The following DBF4 variants were observed in gnomAD, a reference collection of about 807,000 sequenced individuals.
DBF4 encodes the protein DBF4-CDC7 kinase regulatory subunit.
A neutral mutation model predicts 76.6 loss-of-function variants in DBF4; 25 were observed. The ratio of observed to expected loss-of-function variants is 0.33; its 90% CI spans 0.24 to 0.46. The LOEUF is 0.46. Ranked by LOEUF, DBF4 falls within the 20% of genes least tolerant of loss-of-function variation. DBF4 has a pLI of 1.00. For synonymous variants in DBF4, 213 were observed against 258.0 expected (o/e 0.83, Z 1.67); for missense variants, 638 against 760.8 (o/e 0.84, Z 1.90).
chr7:87,897,188 A>G, intron 7 of DBF4, 106 bp from the exon 8 acceptor site: 2 of 1,019,186 alleles, frequency 2.0e-6, no homozygotes, highest in Non-Finnish European at 2.9e-6. Context: ...TAAAGTGGAT[A>G]CATAGTTTTT....
At chr7:87,906,385 T>C (rs1004488705) in intron 11 of DBF4, among the ~76,000 whole-genome samples, 3 of 151,754 alleles carry the variant, frequency 2.0e-5, no homozygotes, top group Non-Finnish European at 2.9e-5. Flanking sequence ...TGTTTGTAAG[T>C]AAATGTATGA....
chr7:87,894,346 C>T (rs1839572733), intron 6 of DBF4, among the ~76,000 whole-genome samples: 1 of 152,078 alleles, frequency 6.6e-6, no homozygotes, highest in Admixed American at 6.6e-5. Context: ...TGTAGTCCCA[C>T]CTGCTTAGGA....
chr7:87,893,346 C>T (rs1298789957), intron 6 of DBF4, among the ~76,000 whole-genome samples: 2 of 150,884 alleles, frequency 1.3e-5, no homozygotes, highest in African/African-American at 2.4e-5. Flanking sequence ...CCCGGGTTCA[C>T]GCCATTCTCC....
intron 2 of DBF4, among the ~76,000 whole-genome samples, chr7:87,884,588 A>G (rs951023325): frequency 1.3e-5 from 2 of 152,242 alleles, no homozygotes; most frequent in Middle Eastern, 3.2e-3. Flanking sequence ...GATTAAGTTA[A>G]TTAACATATA....
At chr7:87,891,391 T>C (rs1055224029) in intron 6 of DBF4, among the ~76,000 whole-genome samples, 1 of 152,186 alleles carries the variant, frequency 6.6e-6, no homozygotes, top group Non-Finnish European at 1.5e-5. Flanking sequence ...TGGTAGAATT[T>C]ACTAGCAAGG....
intron 2 of DBF4, among the ~76,000 whole-genome samples, chr7:87,879,737 AG>A (rs1373207993): frequency 6.6e-6 from 1 of 152,146 alleles, no homozygotes; most frequent in Non-Finnish European, 1.5e-5. Context: ...AGATGACTTG[AG>A]GCCAGGAGTT....
chr7:87,878,835 T>C (rs1276648399), intron 2 of DBF4, among the ~76,000 whole-genome samples: 1 of 152,204 alleles, frequency 6.6e-6, no homozygotes, highest in Non-Finnish European at 1.5e-5. Flanking sequence ...GTAATTAAGA[T>C]TTTTTTCTGT....
In DBF4 at chr7:87,907,405, T is replaced by G. The variant is rs776988300; in HGVS notation, c.1267T>G (p.Leu423Val). ...GCCCATCCCCCACCCTTCAAATGAA[T>G]TGAGAGGGCTTAATGAGAAAATGAG... ...SEPIPHPSNELRGLNEKMSNK... is the reference protein window; with the variant it reads ...SEPIPHPSNEVRGLNEKMSNK... Residue 423 changes from leucine to valine, a missense_variant, in exon 12 of 12, where the codon TTG becomes GTG. Transcript: ENST00000265728. 4 of 1,614,010 alleles carry G rather than the reference T, an allele frequency of 2.5e-6. No individual in the cohort carries two copies. In the Admixed American group the frequency reaches 6.7e-5, roughly 27 times the overall value.
intron 5 of DBF4, 151 bp downstream of exon 5, chr7:87,887,549 T>C (rs1361786657): frequency 6.2e-6 from 6 of 971,864 alleles, no homozygotes; most frequent in Non-Finnish European, 8.7e-6. Flanking sequence ...AACTGGGTAA[T>C]GTACAAAGAA....
chr7:87,906,194 C>CGG (rs1019430123), intron 11 of DBF4, among the ~76,000 whole-genome samples: 1 of 151,876 alleles, frequency 6.6e-6, no homozygotes, highest in Non-Finnish European at 1.5e-5. Context: ...GTGGGCTACT[C>CGG]TAAGAACTTA....
In DBF4 at chr7:87,896,462, ATT is replaced by A; in HGVS notation, c.598-4_598-3del. On this transcript the variant is annotated splice_polypyrimidine_tract_variant and intron_variant, in intron 6 of 11. Coordinates refer to ENST00000265728, the MANE Select transcript of DBF4 (RefSeq NM_006716.4). Reference sequence around the variant, plus strand: ...TTCAAAGCCAATCTTTTCACTATATATTTTTTTTTAGGGCAAAAGAGTTGGTA... The same window carrying A: ...TTCAAAGCCAATCTTTTCACTATATATTTTTTTAGGGCAAAAGAGTTGGTA... 1.3e-6 allele frequency: 2 copies of A among 1,535,934 alleles called. No individual in the cohort carries two copies. Among genetic ancestry groups the A allele is most frequent in the Non-Finnish European group, 1.8e-6 (2 of 1,120,902 alleles).
rs1473447497 is a variant in DBF4 at position 87,900,307 on chromosome 7, A to T, written c.767A>T (p.Asp256Val). 1.2e-6 allele frequency: 2 copies of T among 1,601,874 alleles called. No homozygotes were observed. The highest frequency in any genetic ancestry group is 1.7e-6 in the Non-Finnish European group (2 of 1,176,924). The stretch of plus-strand genomic sequence containing the variant: ...AAGCCCTGCAGTCCATTTGATGTAG[A>T]CAAGCCATCTAGTATGCAAAAGCAA... ...IQKPCSPFDV[D>V]KPSSMQKQTQ... is the part of the protein sequence containing the mutation. Residue 256 changes from aspartate (D) to valine (V), a missense_variant, in exon 9 of 12, where the codon GAC becomes GTC. By Grantham distance (152) the Asp-to-Val change is radical (BLOSUM62 -3). Coordinates refer to ENST00000265728, the MANE Select transcript of DBF4 (RefSeq NM_006716.4).
intron 11 of DBF4, among the ~76,000 whole-genome samples, chr7:87,906,180 C>A (rs1234863853): frequency 6.6e-6 from 1 of 151,656 alleles, no homozygotes; most frequent in Admixed American, 6.6e-5. Context: ...AACAAAAAAA[C>A]TATGTGGGCT....
At chr7:87,884,125 C>T (rs1164384231) in intron 2 of DBF4, among the ~76,000 whole-genome samples, 1 of 152,134 alleles carries the variant, frequency 6.6e-6, no homozygotes, top group Non-Finnish European at 1.5e-5. Context: ...AAGTTGAAGC[C>T]TCAAGGGAAG....
At chr7:87,887,173 A>G (rs983695963) in intron 4 of DBF4, among the ~76,000 whole-genome samples, 156 bp from the exon 5 acceptor site, 21 of 152,216 alleles carry the variant, frequency 1.4e-4, no homozygotes, top group African/African-American at 4.6e-4. Flanking sequence ...TAGGAATTCT[A>G]TAGAAAATCT....
At chr7:87,893,935 TC>T (rs1488269181) in intron 6 of DBF4, among the ~76,000 whole-genome samples, 2 of 152,218 alleles carry the variant, frequency 1.3e-5, no homozygotes, top group East Asian at 3.8e-4. Context: ...TTAACTCTCT[TC>T]ATTTTTGTTG....
intron 11 of DBF4, among the ~76,000 whole-genome samples, chr7:87,905,865 T>G (rs1291803231): frequency 6.6e-6 from 1 of 152,066 alleles, no homozygotes; most frequent in Non-Finnish European, 1.5e-5. Flanking sequence ...CTATTAAAAC[T>G]ATGTGGGCTA....
intron 8 of DBF4, among the ~76,000 whole-genome samples, chr7:87,899,280 A>G (rs570693204): frequency 2.0e-5 from 3 of 152,364 alleles, no homozygotes; most frequent in African/African-American, 7.2e-5. Flanking sequence ...TATAACAGTA[A>G]AAAGGCAACC....
At chr7:87,887,030 AAAGT>A (rs1400610976) in intron 4 of DBF4, 136 bp downstream of exon 4, 9 of 650,742 alleles carry the variant, frequency 1.4e-5, no homozygotes, top group Non-Finnish European at 2.0e-5. Flanking sequence ...TTTATTTTAC[AAAGT>A]AAAGAACTTA....
Sources: gnomAD v4.1 joint callset for allele counts (sites outside exome capture counted in the v4.1 genomes callset) on GRCh38, gnomAD v4.1.1 for gene constraint, MANE v1.5 for transcripts, NCBI Gene and HGNC (gene_info 2026-07-23, HGNC 2026-07-21) for gene names.